The following NCKAP5 variants were observed in gnomAD, a reference collection of about 807,000 sequenced individuals.
NCKAP5 encodes the protein NCK associated protein 5, also known as nck-associated protein 5.
Under a neutral mutation model 167.0 loss-of-function variants are expected in NCKAP5, and 92 were observed. The ratio of observed to expected loss-of-function variants is 0.55; its 90% confidence interval spans 0.47 to 0.66. The LOEUF is 0.66. NCKAP5 is among the 30% of genes least tolerant of loss of function. NCKAP5 has a pLI of 0.00. For synonymous variants in NCKAP5, 891 were observed against 877.4 expected, an observed-to-expected ratio of 1.02 and a Z score of -0.27; for missense variants, 2,378 against 2,315.0, an observed-to-expected ratio of 1.03 and a Z score of -0.56.
chr2:133,231,643 C>T (rs1461979018), intron 4 of NCKAP5, among the ~76,000 whole-genome samples: 1 of 152,068 alleles, frequency 6.6e-6, no homozygotes, highest in Non-Finnish European at 1.5e-5. Flanking sequence ...GAATGGCTCT[C>T]ATATCCAACA....
At chr2:133,473,540 T>C (rs564593475) in intron 3 of NCKAP5, among the ~76,000 whole-genome samples, 2 of 152,294 alleles carry the variant, frequency 1.3e-5, no homozygotes, top group South Asian at 2.1e-4. Context: ...CAGGGGATAC[T>C]GATACTGCTA....
chr2:132,673,262 C>T lies in NCKAP5; in HGVS notation c.*27G>A. 2 of 1,510,764 alleles carry T rather than the reference C, an allele frequency of 1.3e-6. No individual in the cohort carries two copies. Among genetic ancestry groups the T allele is most frequent in the East Asian group, 2.5e-5 (1 of 39,880 alleles). 93.6% of individuals were successfully genotyped at this position (1,510,764 alleles called of 1,614,324 possible). ...TGACTCTAGGGAAATTTTCGATAATCTATTCTCGGGATCGTCTTTTGTTTC... is the reference window on the plus strand; with the variant it reads ...TGACTCTAGGGAAATTTTCGATAATTTATTCTCGGGATCGTCTTTTGTTTC... On this transcript the variant is annotated 3_prime_UTR_variant, in exon 20 of 20. Transcript: ENST00000409261.
chr2:133,369,628 AG>A (rs1173639961), intron 3 of NCKAP5, among the ~76,000 whole-genome samples: 1 of 152,214 alleles, frequency 6.6e-6, no homozygotes, highest in Non-Finnish European at 1.5e-5. Context: ...TAGCAAACAC[AG>A]GGGGATTAAA....
intron 6 of NCKAP5, among the ~76,000 whole-genome samples, chr2:133,089,075 C>CA (rs2081087249): frequency 6.6e-6 from 1 of 152,160 alleles, no homozygotes; most frequent in Non-Finnish European, 1.5e-5. Context: ...TATGATGTTC[C>CA]TATAAATGAC....
At chr2:133,520,318 T>C (rs1684368035) in intron 2 of NCKAP5, among the ~76,000 whole-genome samples, 1 of 152,224 alleles carries the variant, frequency 6.6e-6, no homozygotes, top group Non-Finnish European at 1.5e-5. Flanking sequence ...TGTAAGCTAA[T>C]GTATCTCTCT....
intron 4 of NCKAP5, among the ~76,000 whole-genome samples, chr2:133,286,678 T>C (rs1679165762): frequency 6.6e-6 from 1 of 152,156 alleles, no homozygotes; most frequent in African/African-American, 2.4e-5. Flanking sequence ...TATTGGAGCC[T>C]CACATGTCAA....
At chr2:133,374,315 G>C (rs982501627) in intron 3 of NCKAP5, among the ~76,000 whole-genome samples, 1 of 152,320 alleles carries the variant, frequency 6.6e-6, no homozygotes, top group South Asian at 2.1e-4. Flanking sequence ...CTATAGAGAA[G>C]ATGAAAATTC....
At chr2:132,796,592 C>T (rs373335731) in intron 12 of NCKAP5, 36 bp downstream of exon 12, 1 of 1,458,958 alleles carries the variant, frequency 6.9e-7, no homozygotes, top group Non-Finnish European at 9.5e-7. Flanking sequence ...AAATAACCAC[C>T]AAAACAAGTG....
chr2:133,182,101 T>A (rs953303597), intron 5 of NCKAP5, among the ~76,000 whole-genome samples: 7 of 152,088 alleles, frequency 4.6e-5, no homozygotes, highest in African/African-American at 1.7e-4. Context: ...CTGGAAAATA[T>A]GTGAAATGGA....
chr2:133,205,291 T>TTAGACAGATAGATAGA (rs1553576692), intron 5 of NCKAP5, among the ~76,000 whole-genome samples: 2 of 149,650 alleles, frequency 1.3e-5, no homozygotes, highest in Non-Finnish European at 3.0e-5. Context: ...GACTCTGAAA[T>TTAGACAGATAGATAGA]TAGATAGATA....
chr2:133,418,802 A>G (rs953016773), intron 3 of NCKAP5, among the ~76,000 whole-genome samples: 1 of 152,238 alleles, frequency 6.6e-6, no homozygotes, highest in East Asian at 1.9e-4. Flanking sequence ...CTAATAGGTC[A>G]GTCTTAAAGA....
intron 16 of NCKAP5, among the ~76,000 whole-genome samples, chr2:132,761,104 T>C (rs1020892005): frequency 3.3e-5 from 5 of 152,208 alleles, no homozygotes; most frequent in African/African-American, 1.2e-4. Flanking sequence ...GTCAGGAATT[T>C]ATTCCCAAAA....
intron 3 of NCKAP5, among the ~76,000 whole-genome samples, chr2:133,312,372 T>C (rs895339681): frequency 6.6e-6 from 1 of 152,092 alleles, no homozygotes; most frequent in Non-Finnish European, 1.5e-5. Context: ...TATTAGATAT[T>C]TTTCCCCTTT....
At chr2:132,821,794 A>G (rs1476436304) in intron 11 of NCKAP5, among the ~76,000 whole-genome samples, 3 of 152,070 alleles carry the variant, frequency 2.0e-5, no homozygotes, top group African/African-American at 7.2e-5. Flanking sequence ...GAGACAGCCA[A>G]CATCCCCTCT....
At chr2:133,352,959 T>C (rs1356573286) in intron 3 of NCKAP5, among the ~76,000 whole-genome samples, 2 of 152,262 alleles carry the variant, frequency 1.3e-5, no homozygotes, top group African/African-American at 2.4e-5. Flanking sequence ...GCTGCTTCTC[T>C]TGTGACTCCA....
the NCKAP5 span, among the ~76,000 whole-genome samples, chr2:133,637,476 C>CAAAAAAAAAAAA: frequency 4.4e-4 from 14 of 31,668 alleles, no homozygotes; most frequent in African/African-American, 2.2e-3. Flanking sequence ...TGGTATTTTC[C>CAAAAAAAAAAAA]AAAAAAAAAA....
intron 3 of NCKAP5, among the ~76,000 whole-genome samples, chr2:133,444,373 TAG>T (rs1691052416): frequency 6.7e-6 from 1 of 149,588 alleles, no homozygotes; most frequent in African/African-American, 2.5e-5. Context: ...GATAGATAGA[TAG>T]ATAGATAGAT....
chr2:133,033,796 A>T (rs1472222940), intron 6 of NCKAP5, among the ~76,000 whole-genome samples: 2 of 152,068 alleles, frequency 1.3e-5, no homozygotes, highest in African/African-American at 4.8e-5. Context: ...CCTGAAGACA[A>T]GCTATTTGAA....
intron 16 of NCKAP5, among the ~76,000 whole-genome samples, chr2:132,733,511 A>C (rs1423780413): frequency 1.3e-5 from 2 of 152,244 alleles, no homozygotes; most frequent in African/African-American, 4.8e-5. Context: ...TGTGAGGATT[A>C]AAGTATGTTC....
Sources: allele counts gnomAD v4.1 joint callset (sites outside exome capture counted in the v4.1 genomes callset), GRCh38; gene constraint gnomAD v4.1.1; transcripts MANE v1.5; gene names NCBI Gene and HGNC (gene_info 2026-07-23, HGNC 2026-07-21).